Variants in ARFGEF1 observed in about 807,000 individuals in gnomAD.
ARFGEF1 encodes ARF guanine nucleotide exchange factor 1.
ARFGEF1 carries 42 observed loss-of-function variants against 231.0 expected under a neutral mutation model. The observed-to-expected ratio is 0.18, with a 90% confidence interval of 0.14 to 0.24. The LOEUF (loss-of-function observed/expected upper bound fraction) is 0.24. ARFGEF1 is among the 10% of genes least tolerant of loss of function. ARFGEF1 has a pLI of 1.00. For missense variants in ARFGEF1, 1,345 were observed against 2,192.0 expected, an observed-to-expected ratio of 0.61 and a Z score of 7.72; for synonymous variants, 710 against 732.3, an observed-to-expected ratio of 0.97 and a Z score of 0.49.
rs759110499 is a variant in ARFGEF1, at chr8:67,201,457, A to G, written c.5267+10T>C. On this transcript the variant is annotated intron_variant, in intron 37 of 38. Transcript: ENST00000262215. ...CCTGGTCAGAGATGGAAATCAGTCA[A>G]AAGTCTTACTTCAAAAGCCTCTGCT... The G allele has an allele frequency of 2.2e-5, 36 of 1,600,200 alleles. No individual in the cohort carries two copies. Among genetic ancestry groups the G allele is most frequent in the Admixed American group, 3.6e-5 (2 of 56,034 alleles).
At chr8:67,236,404 ATATATATG>A (rs1839769983) in intron 22 of ARFGEF1, among the ~76,000 whole-genome samples, 2 of 108,332 alleles carry the variant, frequency 1.8e-5, no homozygotes, top group South Asian at 3.3e-4. Context: ...ATATATATAT[ATATATATG>A]TATCCACTGT....
chr8:67,191,635 G>GT (rs1450422410), intron 5 of ARFGEF1, among the ~76,000 whole-genome samples: 1 of 152,176 alleles, frequency 6.6e-6, no homozygotes, highest in African/African-American at 2.4e-5. Context: ...ATTTTCCACT[G>GT]TATTAGTATC....
intron 5 of ARFGEF1, among the ~76,000 whole-genome samples, chr8:67,187,320 A>G (rs2129574386): frequency 6.6e-6 from 1 of 152,324 alleles, no homozygotes; most frequent in East Asian, 1.9e-4. Flanking sequence ...GAGTTATGAT[A>G]AAGTTATAAT....
At chr8:67,340,361 A>T (rs1265512286) in intron 1 of ARFGEF1, among the ~76,000 whole-genome samples, 2 of 151,288 alleles carry the variant, frequency 1.3e-5, no homozygotes, top group Non-Finnish European at 3.0e-5. Context: ...ACCCACTCAC[A>T]ATCTATAGAA....
At position 67,211,783 on chromosome 8, in the gene ARFGEF1, A is replaced by G. The variant is rs192771341; in HGVS notation, c.4687-168T>C. ...AAATTATTTAAAATTACCTGTACAT[A>G]GAGAAAAGTTGACTTTCTGACCCTC... is the stretch of plus-strand genomic sequence containing the variant. On this transcript the variant is annotated intron_variant, in intron 33 of 38. Coordinates refer to ENST00000262215, the MANE Select transcript of ARFGEF1 (RefSeq NM_006421.5). Among the ~76,000 whole-genome samples the G allele has an allele frequency of 5.9e-5, 9 of 152,354 alleles. No homozygotes were observed. The East Asian group carries it at 1.5e-3, about 26-fold the overall frequency.
At chr8:67,286,475 TG>T (rs1805763480) in intron 7 of ARFGEF1, among the ~76,000 whole-genome samples, 1 of 152,228 alleles carries the variant, frequency 6.6e-6, no homozygotes, top group Admixed American at 6.5e-5. Context: ...CAATCTCTAC[TG>T]GAACTATTCA....
At chr8:67,281,394 G>C (rs1563885922) in intron 7 of ARFGEF1, among the ~76,000 whole-genome samples, 2 of 151,980 alleles carry the variant, frequency 1.3e-5, no homozygotes, top group African/African-American at 4.8e-5. Flanking sequence ...TCATACCCAT[G>C]CACACACAGT....
At chr8:67,288,444 G>A (rs1368873963) in intron 6 of ARFGEF1, among the ~76,000 whole-genome samples, 1 of 152,202 alleles carries the variant, frequency 6.6e-6, no homozygotes, top group South Asian at 2.1e-4. Context: ...TATACTGAAT[G>A]TAAGTAGGCT....
At chr8:67,309,401 TGA>T (rs1806891330) in intron 1 of ARFGEF1, among the ~76,000 whole-genome samples, 2 of 152,224 alleles carry the variant, frequency 1.3e-5, no homozygotes, top group Non-Finnish European at 2.9e-5. Flanking sequence ...CAGCACAGTG[TGA>T]GTTACATAGT....
chr8:67,186,970 CATCT>C (rs59504632), intron 5 of ARFGEF1, among the ~76,000 whole-genome samples: 37,777 of 149,710 alleles, frequency 0.25, 4,722 homozygotes, highest in Middle Eastern at 0.32. Flanking sequence ...ATCTATCTAT[CATCT>C]ATCTATCTAT....
At chr8:67,300,650 CTT>C (rs1206522297) in intron 3 of ARFGEF1, among the ~76,000 whole-genome samples, 2 of 109,154 alleles carry the variant, frequency 1.8e-5, no homozygotes, top group Non-Finnish European at 1.7e-5. Flanking sequence ...TGGTGAAACT[CTT>C]GTCTCTTCAA....
At chr8:67,289,717 T>C (rs911190839) in intron 6 of ARFGEF1, among the ~76,000 whole-genome samples, 1 of 152,134 alleles carries the variant, frequency 6.6e-6, no homozygotes. Flanking sequence ...CAGATAAATA[T>C]GCATGTAAAT....
At chr8:67,320,683 G>A (rs756325578) in intron 1 of ARFGEF1, among the ~76,000 whole-genome samples, 5 of 152,202 alleles carry the variant, frequency 3.3e-5, no homozygotes, top group Non-Finnish European at 7.3e-5. Flanking sequence ...ACAGTCAGGC[G>A]TGGTGGCTCA....
intron 35 of ARFGEF1, 149 bp downstream of exon 35, chr8:67,204,531 T>C (rs1563834496): frequency 1.1e-6 from 1 of 946,794 alleles, no homozygotes; most frequent in Non-Finnish European, 1.5e-6. Flanking sequence ...CCTTATTACC[T>C]TGTGATGGGA....
At chr8:67,221,218 T>C (rs188462720) in intron 29 of ARFGEF1, among the ~76,000 whole-genome samples, 8 of 152,362 alleles carry the variant, frequency 5.3e-5, no homozygotes, top group African/African-American at 1.9e-4. Flanking sequence ...CATTATTTGC[T>C]AGTGTACTCC....
chr8:67,204,633 A>G lies in ARFGEF1; in HGVS notation c.4959+47T>C, dbSNP rs764114879. On this transcript the variant is annotated intron_variant, in intron 35 of 38. Transcript: ENST00000262215. ...CTCTACAGCCCAGACTGCTATACCT[A>G]ACTTCCTACTTACACAAAAAAAGCA... 6.3e-6 allele frequency: 10 copies of G among 1,580,700 alleles called. No individual in the cohort carries two copies. In the Admixed American group the frequency reaches 1.8e-4, roughly 28 times the overall value.
intron 23 of ARFGEF1, among the ~76,000 whole-genome samples, chr8:67,231,957 TC>T (rs1839567396): frequency 6.6e-6 from 1 of 151,546 alleles, no homozygotes; most frequent in African/African-American, 2.4e-5. Context: ...CAAATGACTC[TC>T]CTCTTAAAAA....
Position 67,288,002 on chromosome 8 carries a change from T to C in ARFGEF1, c.980A>G (p.Asp327Gly). ...ENHDCEEKPQ[D>G]IVQNIVEEMV... Reference sequence around the variant, plus strand: ...TTCTTCTACAATGTTCTGTACAATGTCTTGTGGCTTTTCCTCACAATCATG... The same window carrying C: ...TTCTTCTACAATGTTCTGTACAATGCCTTGTGGCTTTTCCTCACAATCATG... Residue 327 changes from aspartate (D) to glycine (G), a missense_variant, in exon 7 of 39, where the codon GAC (aspartate) becomes GGC (glycine). This residue lies in a region of ARFGEF1 where 398 missense variants were observed against 463.2 expected (regional missense o/e 0.86). Coordinates refer to ENST00000262215, the MANE Select transcript of ARFGEF1 (RefSeq NM_006421.5). The C allele has an allele frequency of 1.2e-6, 2 of 1,608,974 alleles. No individual in the cohort carries two copies. The highest frequency in any genetic ancestry group is 1.7e-6 in the Non-Finnish European group (2 of 1,178,440).
intron 1 of ARFGEF1, among the ~76,000 whole-genome samples, chr8:67,339,608 G>A (rs1324404873): frequency 6.6e-6 from 1 of 151,754 alleles, no homozygotes; most frequent in Non-Finnish European, 1.5e-5. Context: ...TCATCTGCCA[G>A]CAGATGGCCA....
Sources: gnomAD v4.1 joint callset for allele counts (sites outside exome capture counted in the v4.1 genomes callset) on GRCh38, gnomAD v4.1.1 for gene constraint, gnomAD v4.1.1 regional missense constraint, MANE v1.5 for transcripts, NCBI Gene and HGNC (gene_info 2026-07-23, HGNC 2026-07-21) for gene names.